DNASE1L1: variants seen among roughly 807,000 people sequenced by gnomAD.
The protein encoded by DNASE1L1 is deoxyribonuclease-1-like 1.
Under a neutral mutation model 18.6 loss-of-function variants are expected in DNASE1L1, and 8 were observed. The observed-to-expected ratio is 0.43, with a 90% CI of 0.25 to 0.78. The LOEUF (loss-of-function observed/expected upper bound fraction) is 0.78. DNASE1L1 is among the 30% of genes least tolerant of loss of function. The pLI, the probability that DNASE1L1 is intolerant of heterozygous loss-of-function variation, is 0.23. For synonymous variants in DNASE1L1, 114 were observed against 114.2 expected (o/e 1.00, Z 0.01); for missense variants, 214 against 258.2 (o/e 0.83, Z 1.17).
chrX:154,408,972 C>T (rs1557189119), intron 1 of DNASE1L1, 140 bp downstream of exon 1: 11 of 250,633 alleles, frequency 4.4e-5, no homozygotes, highest in South Asian at 2.8e-4. Flanking sequence ...GAGAGAGCGA[C>T]GGTTCCTGGC....
chrX:154,403,646 G>A, intron 4 of DNASE1L1, 24 bp from the exon 5 acceptor site: 1 of 1,180,731 alleles, frequency 8.5e-7, no homozygotes, highest in Non-Finnish European at 1.2e-6. Context: ...GGGATGGGCA[G>A]CAGTGGCCCC....
intron 4 of DNASE1L1, 88 bp downstream of exon 4, chrX:154,404,740 G>A (rs2148156562): frequency 3.4e-6 from 3 of 885,150 alleles, no homozygotes; most frequent in East Asian, 3.4e-5. Flanking sequence ...AGGATGGGGG[G>A]CCTGTGGCCC....
chrX:154,405,784 T>A, intron 1 of DNASE1L1, 129 bp from the exon 2 acceptor site: 20 of 259,249 alleles, frequency 7.7e-5, no homozygotes, highest in South Asian at 1.7e-4. Flanking sequence ...AAAAAAAAAA[T>A]TGTTTTTGAG....
Position 154,404,876 on chromosome X carries a change from G to A in DNASE1L1, c.263C>T (p.Pro88Leu). ...GSGPYSTLSS[P>L]QLGRSTYMET... ...CATGTAGGTGCTGCGCCCCAGCTGG[G>A]GGCTGCTCAGGGTGCTGTAGGGCCC... Residue 88 changes from proline (P) to leucine (L), a missense_variant, in exon 4 of 8, where the codon CCC becomes CTC. Coordinates refer to ENST00000369807, the MANE Select transcript of DNASE1L1 (RefSeq NM_001303620.2). 2.5e-6 allele frequency: 3 copies of A among 1,211,658 alleles called. No individual in the cohort carries two copies. The highest frequency in any genetic ancestry group is 3.4e-6 in the Non-Finnish European group (3 of 895,454).
intron 1 of DNASE1L1, chrX:154,408,788 G>T: frequency 8.1e-6 from 1 of 124,079 alleles, no homozygotes; most frequent in Non-Finnish European, 1.7e-5. Flanking sequence ...TCCTGGCTGG[G>T]TTTGATGTCT....
Position 154,405,403 on chromosome X carries a change from G to T in DNASE1L1, c.135+31C>A, listed in dbSNP as rs782642420. On this transcript the variant is annotated intron_variant, in intron 2 of 7. Transcript: ENST00000369807. ...GGGGGCTTTGGCTCATGGTGGTTAG[G>T]GGCACGGCTTCCCTGAAGTGATGAA... 1.1e-5 allele frequency: 13 copies of T among 1,164,052 alleles called. No homozygotes were observed. In the East Asian group the frequency reaches 4.0e-4, roughly 36 times the overall value.
Position 154,402,003 on chromosome X carries a change from TCA to T in DNASE1L1, c.*702_*703del, listed in dbSNP as rs2068051061. The T allele has an allele frequency of 8.9e-6, 1 of 111,906 alleles. No individual in the cohort carries two copies. Among genetic ancestry groups the T allele is most frequent in the African/African-American group, 3.3e-5 (1 of 30,645 alleles). 9.2% of individuals were successfully genotyped at this position (111,906 alleles called of 1,213,427 possible). A position where few individuals can be genotyped will look rare whatever the true frequency, so the allele number is the denominator to read the frequency against. ...CAGCCCCTTTCCGGGACACCTGGGT[TCA>T]CACAGCTTTTTAGCTTACATAACTG... On this transcript the variant is annotated 3_prime_UTR_variant, in exon 8 of 8. Coordinates refer to ENST00000369807, the MANE Select transcript of DNASE1L1 (RefSeq NM_001303620.2).
At position 154,402,598 on chromosome X, in the gene DNASE1L1, G is replaced by A; in HGVS notation, c.*109C>T. 1 of 797,114 alleles carries A rather than the reference G, an allele frequency of 1.3e-6. No homozygotes were observed. Among genetic ancestry groups the A allele is most frequent in the Admixed American group, 3.8e-5 (1 of 26,430 alleles). 65.7% of individuals were successfully genotyped at this position (797,114 alleles called of 1,213,427 possible). On this transcript the variant is annotated 3_prime_UTR_variant, in exon 8 of 8. Coordinates refer to ENST00000369807, the MANE Select transcript of DNASE1L1 (RefSeq NM_001303620.2). The stretch of plus-strand genomic sequence containing the variant: ...ACAAGGCAGGCAGGGGTGGACTACA[G>A]TCACAGGGCAACTATAGTTGAAGCC...
At chrX:154,408,223 G>A (rs1462542383) in intron 1 of DNASE1L1, among the ~76,000 whole-genome samples, 4 of 111,314 alleles carry the variant, frequency 3.6e-5, no homozygotes, top group African/African-American at 9.8e-5. Flanking sequence ...GTGAGCCACC[G>A]CGCCCGGCTA....
chrX:154,405,359 C>T (rs1401259946), intron 2 of DNASE1L1, 75 bp downstream of exon 2: 10 of 1,123,493 alleles, frequency 8.9e-6, no homozygotes, highest in Non-Finnish European at 1.2e-5. Context: ...CTAGAACATA[C>T]CCCTGGTCAG....
Position 154,403,333 on chromosome X carries a change from A to G in DNASE1L1, c.461T>C (p.Val154Ala). Residue 154 changes from valine to alanine, a missense_variant, in exon 6 of 8, where the codon GTA becomes GCA. Physicochemically the swap from Val to Ala is moderately conservative, Grantham distance 64. Coordinates refer to ENST00000369807, the MANE Select transcript of DNASE1L1 (RefSeq NM_001303620.2). ...GTAGAGGGCGTTCAGCTCCTTCTCT[A>G]CGGCCTTAGGAGTGGTGTGCAGCGG... is the stretch of plus-strand genomic sequence containing the variant. ...LVPLHTTPKA[V>A]EKELNALYDV... is the part of the protein sequence containing the mutation. The G allele has an allele frequency of 8.3e-7, 1 of 1,211,308 alleles. No homozygotes were observed. Among genetic ancestry groups the G allele is most frequent in the Non-Finnish European group, 1.1e-6 (1 of 895,398 alleles).
intron 1 of DNASE1L1, among the ~76,000 whole-genome samples, chrX:154,406,814 T>G (rs1200669259): frequency 9.2e-6 from 1 of 108,699 alleles, no homozygotes; most frequent in Admixed American, 9.8e-5. Context: ...CCCAGCCTCA[T>G]GCATCTCTTG....
chrX:154,406,003 A>G (rs1186156537), intron 1 of DNASE1L1, among the ~76,000 whole-genome samples: 5 of 97,107 alleles, frequency 5.1e-5, no homozygotes, highest in Non-Finnish European at 8.3e-5. Flanking sequence ...ACGGAGTCTC[A>G]CTCTGTCGCC....
upstream of DNASE1L1, chrX:154,411,813 G>T (rs1184293482): frequency 3.4e-5 from 39 of 1,148,590 alleles, no homozygotes; most frequent in Non-Finnish European, 4.0e-5. Context: ...GGCCCGGGGC[G>T]CTGGGAGCGC....
At position 154,404,820 on chromosome X, in the gene DNASE1L1, G is replaced by C. The variant is rs782544172; in HGVS notation, c.311+8C>G. ...CCCACCCTGCTGCGCTGCCAGCTCC[G>C]TGCTCACCGATAGAAGTACACATAC... On this transcript the variant is annotated splice_region_variant and intron_variant, in intron 4 of 7. Transcript: ENST00000369807. 3.6e-5 allele frequency: 43 copies of C among 1,207,266 alleles called. No individual in the cohort carries two copies. The highest frequency in any genetic ancestry group is 1.1e-5 in the Non-Finnish European group (10 of 893,544).
At chrX:154,402,920 C>T (rs781899623) in intron 7 of DNASE1L1, 22 bp downstream of exon 7, 6 of 1,206,153 alleles carry the variant, frequency 5.0e-6, no homozygotes, top group Non-Finnish European at 6.7e-6. Flanking sequence ...CCTCCCTCCT[C>T]ATGCCAGCCC....
chrX:154,412,079 C>T (rs1557191043), upstream of DNASE1L1: 1 of 1,210,526 alleles, frequency 8.3e-7, no homozygotes, highest in Admixed American at 2.2e-5. Flanking sequence ...TTCTCCTTCC[C>T]CGCCAGAGTA....
At chrX:154,408,116 A>G (rs1446293846) in intron 1 of DNASE1L1, among the ~76,000 whole-genome samples, 4 of 109,783 alleles carry the variant, frequency 3.6e-5, no homozygotes, top group Non-Finnish European at 7.6e-5. Context: ...TACTTTTAGT[A>G]GAGACAGGGT....
In DNASE1L1 at chrX:154,403,262, G is replaced by T. The variant is rs2068081980; in HGVS notation, c.525+7C>A. 1.7e-5 allele frequency: 21 copies of T among 1,210,346 alleles called. No individual in the cohort carries two copies. The highest frequency in any genetic ancestry group is 2.3e-5 in the Non-Finnish European group (21 of 894,347). On this transcript the variant is annotated splice_region_variant and intron_variant, in intron 6 of 7. Coordinates refer to ENST00000369807, the MANE Select transcript of DNASE1L1 (RefSeq NM_001303620.2). ...TTGTCCCTCCTGTACAAACTGCCCAGGCCTACCTTGCTCTGCCAGTGCTGG... is the reference window on the plus strand; with the variant it reads ...TTGTCCCTCCTGTACAAACTGCCCATGCCTACCTTGCTCTGCCAGTGCTGG...
Sources: gnomAD v4.1 joint callset for allele counts (sites outside exome capture counted in the v4.1 genomes callset) on GRCh38, gnomAD v4.1.1 for gene constraint, MANE v1.5 for transcripts, NCBI Gene and HGNC (gene_info 2026-07-23, HGNC 2026-07-21) for gene names.